The following SLCO1A2 variants were observed in gnomAD, a reference collection of about 807,000 sequenced individuals.
The protein encoded by SLCO1A2 is OATP-1.
In SLCO1A2, 67 loss-of-function variants were observed where a neutral mutation model predicts 69.0. The ratio of observed to expected loss-of-function variants is 0.97; its 90% CI spans 0.80 to 1.19. The LOEUF is 1.19. SLCO1A2 is among the 50% of genes most tolerant of loss of function. The probability of loss-of-function intolerance (pLI) is 0.00; values close to 1 mark genes in which losing one functional copy is unlikely to be tolerated. For synonymous variants in SLCO1A2, 260 were observed against 265.9 expected (o/e 0.98, Z 0.22); for missense variants, 787 against 793.7 (o/e 0.99, Z 0.10).
chr12:21,405,210 G>GC (rs1941803911), intron 1 of SLCO1A2, among the ~76,000 whole-genome samples: 1 of 151,750 alleles, frequency 6.6e-6, no homozygotes, highest in African/African-American at 2.4e-5. Context: ...CTTTTGCTGT[G>GC]CAGAAGCTCT....
intron 1 of SLCO1A2, among the ~76,000 whole-genome samples, chr12:21,413,782 G>A (rs376427709): frequency 2.6e-5 from 4 of 152,006 alleles, no homozygotes; most frequent in Non-Finnish European, 4.4e-5. Flanking sequence ...ATCTCGGGTC[G>A]ACAATATTTG....
intron 1 of SLCO1A2, among the ~76,000 whole-genome samples, chr12:21,383,136 GTTTTA>G (rs1237221469): frequency 2.6e-5 from 4 of 151,942 alleles, no homozygotes; most frequent in African/African-American, 4.8e-5. Flanking sequence ...CTTTTGCTTT[GTTTTA>G]TTTTGTTTTT....
At chr12:21,361,278 T>G (rs1430261025) in intron 2 of SLCO1A2, among the ~76,000 whole-genome samples, 1 of 152,192 alleles carries the variant, frequency 6.6e-6, no homozygotes, top group African/African-American at 2.4e-5. Context: ...AAACAGGGTC[T>G]GGAGTGGACC....
At position 21,387,585 on chromosome 12, in the gene SLCO1A2, G is replaced by A. The variant is rs2137142973; in HGVS notation, c.-190+7321C>T. On this transcript the variant is annotated intron_variant, in intron 1 of 15. Transcript: ENST00000307378. ...CACAGAAGTCAAGAATTGAGGTTTG[G>A]GAACCTCCACCTAGATTTCAGAAGA... Among the ~76,000 whole-genome samples, 2 of 152,308 alleles carry A rather than the reference G, an allele frequency of 1.3e-5. 1 individual carries two copies. The highest frequency in any genetic ancestry group is 2.9e-5 in the Non-Finnish European group (2 of 68,036).
intron 7 of SLCO1A2, 84 bp from the exon 8 acceptor site, chr12:21,300,653 C>A: frequency 9.2e-7 from 1 of 1,090,476 alleles, no homozygotes; most frequent in Non-Finnish European, 1.3e-6. Flanking sequence ...TTAGAATTAT[C>A]GGGTCCCAAC....
chr12:21,325,856 G>A (rs11045975), intron 2 of SLCO1A2, among the ~76,000 whole-genome samples: 47,654 of 151,974 alleles, frequency 0.31, 7,614 homozygotes, highest in East Asian at 0.35. Context: ...GCATCTGTAA[G>A]ACCCATGAGG....
chr12:21,400,588 T>A (rs1258171494), intron 1 of SLCO1A2, among the ~76,000 whole-genome samples: 1 of 151,852 alleles, frequency 6.6e-6, no homozygotes, highest in Non-Finnish European at 1.5e-5. Flanking sequence ...GTATGTTTAT[T>A]GCGGCTCTAT....
upstream of SLCO1A2, among the ~76,000 whole-genome samples, chr12:21,397,048 A>G (rs913909251): frequency 3.9e-5 from 6 of 151,994 alleles, no homozygotes; most frequent in African/African-American, 1.5e-4. Flanking sequence ...TAAATGGACT[A>G]AATGCTCCAA....
chr12:21,405,589 C>T (rs948115498), intron 1 of SLCO1A2, among the ~76,000 whole-genome samples: 1 of 152,092 alleles, frequency 6.6e-6, no homozygotes, highest in African/African-American at 2.4e-5. Flanking sequence ...ACACATCGAC[C>T]AAGGAACAGA....
intron 1 of SLCO1A2, among the ~76,000 whole-genome samples, chr12:21,393,438 TGAAA>T (rs2137161230): frequency 6.6e-6 from 1 of 152,326 alleles, no homozygotes; most frequent in African/African-American, 2.4e-5. Flanking sequence ...TTTTCAATTG[TGAAA>T]GAAATTCTAA....
upstream of SLCO1A2, among the ~76,000 whole-genome samples, chr12:21,337,669 C>T (rs1245312990): frequency 1.3e-5 from 2 of 151,930 alleles, no homozygotes; most frequent in Admixed American, 1.3e-4. Context: ...AATACTAATC[C>T]AAGCAAGTAT....
intron 12 of SLCO1A2, among the ~76,000 whole-genome samples, chr12:21,291,512 A>G (rs1460598724): frequency 6.6e-6 from 1 of 152,180 alleles, no homozygotes; most frequent in African/African-American, 2.4e-5. Context: ...GAGCTCCAAA[A>G]GAAGAAGAAA....
At chr12:21,400,267 C>T (rs9705716), upstream of SLCO1A2, among the ~76,000 whole-genome samples, 23,552 of 152,020 alleles carry the variant, frequency 0.15, 2,020 homozygotes, top group East Asian at 0.37. Flanking sequence ...CTAAAAAACA[C>T]GTGAAAAAAT....
intron 2 of SLCO1A2, chr12:21,373,373 G>T: frequency 6.2e-7 from 1 of 1,613,408 alleles, no homozygotes; most frequent in Non-Finnish European, 8.5e-7. Context: ...GAAGCTGCAA[G>T]TATTTCTCAT....
chr12:21,269,598 A>G lies in SLCO1A2; in HGVS notation c.1963T>C (p.Tyr655His), dbSNP rs1387001123. 3 of 1,612,514 alleles carry G rather than the reference A, an allele frequency of 1.9e-6. No individual in the cohort carries two copies. In the East Asian group the frequency reaches 6.7e-5, roughly 36 times the overall value. The change falls in exon 15 of 15, where the codon TAC becomes CAC. Residue 655 changes from tyrosine to histidine, a missense_variant. Coordinates refer to ENST00000683939, the MANE Select transcript of SLCO1A2 (RefSeq NM_001386879.1). ...KGKENECKDI[Y>H]QKSTVLKDDE... ...TCTTTCAAAACCGTGGACTTTTGGTATATATCTTTGCACTCATTTTCCTTC... is the reference window on the plus strand; with the variant it reads ...TCTTTCAAAACCGTGGACTTTTGGTGTATATCTTTGCACTCATTTTCCTTC...
chr12:21,377,494 A>T (rs938869346), intron 1 of SLCO1A2, among the ~76,000 whole-genome samples: 4 of 152,222 alleles, frequency 2.6e-5, no homozygotes, highest in African/African-American at 9.6e-5. Context: ...AATGTTGGGC[A>T]GCAGATCTCT....
chr12:21,403,863 G>A (rs1424946090), intron 1 of SLCO1A2, among the ~76,000 whole-genome samples: 1 of 151,742 alleles, frequency 6.6e-6, no homozygotes, highest in Non-Finnish European at 1.5e-5. Context: ...TCGTGATTAA[G>A]GCACCTTTAA....
At chr12:21,410,503 C>T (rs1163939449) in intron 1 of SLCO1A2, among the ~76,000 whole-genome samples, 2 of 152,132 alleles carry the variant, frequency 1.3e-5, no homozygotes, top group Non-Finnish European at 2.9e-5. Flanking sequence ...TGGGCAAATG[C>T]ACCACAATGT....
chr12:21,356,109 T>C (rs1458606016), intron 2 of SLCO1A2, among the ~76,000 whole-genome samples: 1 of 152,070 alleles, frequency 6.6e-6, no homozygotes, highest in African/African-American at 2.4e-5. Flanking sequence ...TAAATTTGAA[T>C]CACAGCTCTA....
Sources: allele counts gnomAD v4.1 joint callset (sites outside exome capture counted in the v4.1 genomes callset), GRCh38; gene constraint gnomAD v4.1.1; transcripts MANE v1.5; gene names NCBI Gene and HGNC (gene_info 2026-07-23, HGNC 2026-07-21).